The following CDKL3 variants were observed in gnomAD, a reference collection of about 807,000 sequenced individuals.
CDKL3 encodes the protein cyclin dependent kinase like 3.
A neutral mutation model predicts 69.3 loss-of-function variants in CDKL3; 65 were observed. The observed-to-expected ratio is 0.94, with a 90% CI of 0.77 to 1.15. CDKL3 has a LOEUF of 1.15. Ranked by LOEUF, CDKL3 falls within the 50% of genes most tolerant of loss-of-function variation. The pLI, the probability that CDKL3 is intolerant of heterozygous loss-of-function variation, is 0.00. For missense variants in CDKL3, 652 were observed against 689.2 expected (o/e 0.95, Z 0.61); for synonymous variants, 202 against 221.6 (o/e 0.91, Z 0.79).
intron 3 of CDKL3, among the ~76,000 whole-genome samples, chr5:134,357,623 C>G (rs1417521393): frequency 1.3e-5 from 2 of 152,004 alleles, no homozygotes; most frequent in East Asian, 3.9e-4. Context: ...CAGAGAGAGA[C>G]TCTGTCTCAA....
At chr5:134,285,723 C>T (rs1764833009), downstream of CDKL3, among the ~76,000 whole-genome samples, 1 of 152,238 alleles carries the variant, frequency 6.6e-6, no homozygotes, top group African/African-American at 2.4e-5. Flanking sequence ...TTATCTATTG[C>T]ATTGTCAGGC....
chr5:134,310,216 C>T (rs1769043475), intron 7 of CDKL3, among the ~76,000 whole-genome samples: 1 of 151,880 alleles, frequency 6.6e-6, no homozygotes, highest in Admixed American at 6.6e-5. Flanking sequence ...GACAGAGTCT[C>T]GCTCTGTCAC....
chr5:134,302,476 T>G (rs964657517), intron 12 of CDKL3, 114 bp downstream of exon 12: 5 of 632,992 alleles, frequency 7.9e-6, no homozygotes, highest in Admixed American at 3.2e-5. Flanking sequence ...AGTTCAAAGA[T>G]TATAAAATTT....
intron 4 of CDKL3, among the ~76,000 whole-genome samples, chr5:134,336,848 AC>A (rs1777235998): frequency 6.6e-6 from 1 of 152,194 alleles, no homozygotes; most frequent in Non-Finnish European, 1.5e-5. Flanking sequence ...TGGCAGAACC[AC>A]TGCTCTCTTC....
intron 5 of CDKL3, among the ~76,000 whole-genome samples, chr5:134,319,820 G>A (rs1338434902): frequency 2.0e-5 from 3 of 152,144 alleles, no homozygotes; most frequent in Admixed American, 2.0e-4. Context: ...TTCCATATGG[G>A]TATCCAAATG....
intron 10 of CDKL3, 134 bp from the exon 11 acceptor site, chr5:134,304,701 T>C (rs1767273203): frequency 4.8e-6 from 3 of 623,884 alleles, no homozygotes; most frequent in South Asian, 2.9e-5. Flanking sequence ...AGATTTAGAA[T>C]AGAACACTAT....
intron 4 of CDKL3, among the ~76,000 whole-genome samples, chr5:134,347,277 G>C (rs1244873206): frequency 2.6e-5 from 4 of 151,704 alleles, no homozygotes; most frequent in African/African-American, 9.7e-5. Context: ...TGGAGACACT[G>C]AAACTCTCAC....
intron 4 of CDKL3, among the ~76,000 whole-genome samples, chr5:134,342,415 G>A (rs1179427379): frequency 6.6e-6 from 1 of 151,910 alleles, no homozygotes; most frequent in African/African-American, 2.4e-5. Context: ...TGGCTAACAC[G>A]GTGAAACCCC....
intron 6 of CDKL3, among the ~76,000 whole-genome samples, chr5:134,316,247 C>G (rs1009020055): frequency 6.6e-6 from 1 of 152,112 alleles, no homozygotes; most frequent in South Asian, 2.1e-4. Context: ...CCCCTGCCCC[C>G]GGACCACTTC....
intron 4 of CDKL3, among the ~76,000 whole-genome samples, chr5:134,329,563 G>T (rs1172637540): frequency 6.6e-6 from 1 of 151,664 alleles, no homozygotes; most frequent in Non-Finnish European, 1.5e-5. Flanking sequence ...TCCGCTTCCT[G>T]GGTTGACGCC....
At chr5:134,298,959 C>A (rs759809040) in intron 12 of CDKL3, among the ~76,000 whole-genome samples, 3 of 151,986 alleles carry the variant, frequency 2.0e-5, no homozygotes, top group Non-Finnish European at 2.9e-5. Flanking sequence ...CTACAACCTC[C>A]GCCTCCCGGG....
intron 4 of CDKL3, among the ~76,000 whole-genome samples, chr5:134,326,268 T>C (rs929138213): frequency 2.6e-5 from 4 of 152,128 alleles, no homozygotes; most frequent in Non-Finnish European, 4.4e-5. Flanking sequence ...GGCAGGCCTT[T>C]CAAAGAGCAA....
chr5:134,284,983 C>T (rs188334040), downstream of CDKL3, among the ~76,000 whole-genome samples: 42 of 152,242 alleles, frequency 2.8e-4, no homozygotes, highest in African/African-American at 7.9e-4. Flanking sequence ...CCTCAGCTTA[C>T]GAAGATGATG....
chr5:134,366,879 T>C, intron 1 of CDKL3, 98 bp downstream of exon 1: 5 of 1,003,356 alleles, frequency 5.0e-6, no homozygotes, highest in Non-Finnish European at 6.0e-6. Context: ...AAATAATAGG[T>C]TCCCGCACTA....
chr5:134,302,709 C>A, intron 11 of CDKL3, 22 bp from the exon 12 acceptor site: 1 of 1,289,918 alleles, frequency 7.8e-7, no homozygotes, highest in Non-Finnish European at 1.1e-6. Context: ...ATATACAAAA[C>A]AATGAAAATT....
intron 7 of CDKL3, among the ~76,000 whole-genome samples, chr5:134,309,965 G>C (rs1459978897): frequency 1.3e-5 from 2 of 151,836 alleles, no homozygotes; most frequent in Non-Finnish European, 2.9e-5. Flanking sequence ...GTAGTAGCTG[G>C]GACTACAGGT....
intron 5 of CDKL3, among the ~76,000 whole-genome samples, chr5:134,321,158 G>A (rs866466883): frequency 1.6e-4 from 24 of 151,362 alleles, no homozygotes; most frequent in Non-Finnish European, 2.5e-4. Flanking sequence ...ACAGGCACTC[G>A]TCACCATACC....
chr5:134,305,964 A>G (rs1232784129), intron 10 of CDKL3, among the ~76,000 whole-genome samples: 1 of 152,184 alleles, frequency 6.6e-6, no homozygotes, highest in East Asian at 1.9e-4. Flanking sequence ...TTTAATCCAT[A>G]AAGATATTAA....
rs1256454127 is a variant in CDKL3 at position 134,367,142 on chromosome 5, A to C, written c.-187T>G. The C allele has an allele frequency of 3.0e-6, 3 of 985,548 alleles. No individual in the cohort carries two copies. The highest frequency in any genetic ancestry group is 3.6e-6 in the Non-Finnish European group (3 of 830,156). 61.1% of individuals were successfully genotyped at this position (985,548 alleles called of 1,614,324 possible). A position where few individuals can be genotyped will look rare whatever the true frequency, so the allele number is the denominator to read the frequency against. On this transcript the variant is annotated 5_prime_UTR_variant, in exon 1 of 13. An upstream start codon of the reference 5' UTR is lost. Transcript: ENST00000265334. ...CGCAAGGAACCGGCCACTTGCCACC[A>C]TGGAAACGCCGGCGGAGTTGCTGCG...
Sources: gnomAD v4.1 joint callset for allele counts (sites outside exome capture counted in the v4.1 genomes callset) on GRCh38, gnomAD v4.1.1 for gene constraint, MANE v1.5 for transcripts, NCBI Gene and HGNC (gene_info 2026-07-23, HGNC 2026-07-21) for gene names.